The following TGS1 variants were observed in gnomAD, a reference collection of about 807,000 sequenced individuals.
TGS1 encodes the protein trimethylguanosine synthase.
A neutral mutation model predicts 92.2 loss-of-function variants in TGS1; 69 were observed. The observed-to-expected ratio is 0.75, with a 90% CI of 0.62 to 0.91. TGS1 has a LOEUF of 0.91. TGS1 is among the 40% of genes least tolerant of loss of function. The probability of loss-of-function intolerance (pLI) is 0.00; values close to 1 mark genes in which losing one functional copy is unlikely to be tolerated. For missense variants in TGS1, 1,062 were observed against 1,001.2 expected (o/e 1.06, Z -0.82); for synonymous variants, 345 against 338.1 (o/e 1.02, Z -0.22).
At chr8:55,808,432 AGCAAAGAAATCT>A (rs1803241729) in intron 10 of TGS1, among the ~76,000 whole-genome samples, 1 of 152,170 alleles carries the variant, frequency 6.6e-6, no homozygotes, top group Non-Finnish European at 1.5e-5. Context: ...CTGATAAAGT[AGCAAAGAAATCT>A]GAAAATTTTC....
At position 55,811,080 on chromosome 8, in the gene TGS1, A is replaced by C. The variant is rs980412457; in HGVS notation, c.2343A>C (p.Thr781=). ...CTGCAGAGACCTTTGACATTAGAAC[A>C]ATGATGTCTCCTGATGGATATCCTT... ...YATAETFDIR[T]MMSPDGFEIF... is the part of the protein sequence containing the mutation. Residue 781 remains threonine (T), a synonymous_variant, in exon 11 of 13, where the codon ACA becomes ACC. Transcript: ENST00000260129. The C allele has an allele frequency of 1.3e-6, 2 of 1,596,634 alleles. No homozygotes were observed.
chr8:55,794,891 T>C (rs1319284877), intron 6 of TGS1, among the ~76,000 whole-genome samples: 1 of 152,214 alleles, frequency 6.6e-6, no homozygotes. Context: ...GAAATTTAAG[T>C]AGATACCTAC....
At chr8:55,786,038 C>T (rs1811699744) in intron 3 of TGS1, 147 bp downstream of exon 3, 1 of 776,218 alleles carries the variant, frequency 1.3e-6, no homozygotes, top group Non-Finnish European at 2.0e-6. Flanking sequence ...TTAACCAGAA[C>T]TGAAAGTTGT....
intron 1 of TGS1, among the ~76,000 whole-genome samples, chr8:55,775,965 T>C (rs1585749461): frequency 6.6e-6 from 1 of 152,140 alleles, no homozygotes; most frequent in South Asian, 2.1e-4. Context: ...AAATGAGGAC[T>C]AAAAGTATCC....
At chr8:55,797,834 G>A (rs1163570770) in intron 7 of TGS1, among the ~76,000 whole-genome samples, 2 of 152,140 alleles carry the variant, frequency 1.3e-5, no homozygotes, top group African/African-American at 2.4e-5. Context: ...TTTAAGGCTA[G>A]TCAGATGACT....
chr8:55,793,448 T>C (rs1031398926), intron 6 of TGS1, among the ~76,000 whole-genome samples: 4 of 152,116 alleles, frequency 2.6e-5, no homozygotes, highest in Non-Finnish European at 4.4e-5. Context: ...TCCATGATAA[T>C]GTCACTGCAC....
intron 4 of TGS1, among the ~76,000 whole-genome samples, chr8:55,788,350 T>A (rs1348876406): frequency 1.3e-5 from 2 of 152,208 alleles, no homozygotes; most frequent in Non-Finnish European, 2.9e-5. Flanking sequence ...TCTAAAGAGC[T>A]CTGTCAACTT....
Position 55,799,106 on chromosome 8 carries a change from G to C in TGS1, c.1735G>C (p.Ala579Pro), listed in dbSNP as rs147767089. Residue 579 changes from alanine to proline, a missense_variant, in exon 8 of 13, where the codon GCT (alanine) becomes CCT (proline). Ala to Pro is a conservative substitution (Grantham distance 27). Transcript: ENST00000260129. ...EPEKCQSVSS[A>P]GELETENYER... ...TGAAAAGTGTCAGAGCGTATCTTCAGCTGGTGAACTTGAAACAGAAAACTA... is the reference window on the plus strand; with the variant it reads ...TGAAAAGTGTCAGAGCGTATCTTCACCTGGTGAACTTGAAACAGAAAACTA... The C allele has an allele frequency of 3.6e-5, 58 of 1,614,040 alleles. No homozygotes were observed. The highest frequency in any genetic ancestry group is 4.5e-5 in the Non-Finnish European group (53 of 1,180,028).
intron 1 of TGS1, among the ~76,000 whole-genome samples, chr8:55,774,395 A>C (rs1811319096): frequency 6.6e-6 from 1 of 152,186 alleles, no homozygotes; most frequent in Non-Finnish European, 1.5e-5. Context: ...ATTTTGTTAG[A>C]GTTAAATCCT....
chr8:55,774,744 T>C (rs1347384267), intron 1 of TGS1, among the ~76,000 whole-genome samples: 1 of 152,234 alleles, frequency 6.6e-6, no homozygotes, highest in Non-Finnish European at 1.5e-5. Context: ...ACTTGGTTGA[T>C]TATAGTTATA....
chr8:55,817,385 T>A (rs1388244436), intron 12 of TGS1, among the ~76,000 whole-genome samples: 3 of 152,234 alleles, frequency 2.0e-5, no homozygotes, highest in African/African-American at 7.2e-5. Context: ...GAGTTGTAAG[T>A]ATTTGAATAA....
chr8:55,773,658 C>T lies in TGS1; in HGVS notation c.40C>T (p.Leu14Phe), dbSNP rs749831575. 2.5e-6 allele frequency: 4 copies of T among 1,611,284 alleles called. No homozygotes were observed. Among genetic ancestry groups the T allele is most frequent in the Admixed American group, 3.4e-5 (2 of 59,522 alleles). The change falls in exon 1 of 13, where the codon CTC (leucine) becomes TTC (phenylalanine). Residue 14 changes from leucine to phenylalanine, a missense_variant. Transcript: ENST00000260129. The stretch of plus-strand genomic sequence containing the variant: ...GTGGAGCCGCGTGGCGGAAATGTTT[C>T]TCTTCATTGAGGAGCGGGAGGATTG... ...EKWSRVAEMF[L>F]FIEEREDCKI...
At chr8:55,797,455 A>G (rs886645776) in intron 7 of TGS1, among the ~76,000 whole-genome samples, 16 of 152,182 alleles carry the variant, frequency 1.1e-4, no homozygotes, top group African/African-American at 3.9e-4. Context: ...TAGGATCCTA[A>G]TAGTCCAAAT....
intron 6 of TGS1, among the ~76,000 whole-genome samples, 197 bp from the exon 7 acceptor site, chr8:55,795,781 T>C (rs974747526): frequency 2.0e-5 from 3 of 152,236 alleles, no homozygotes; most frequent in African/African-American, 7.2e-5. Flanking sequence ...GTGTTACACA[T>C]TTGCTTTAGA....
chr8:55,798,850 A>C, intron 7 of TGS1, 64 bp from the exon 8 acceptor site: 1 of 1,303,902 alleles, frequency 7.7e-7, no homozygotes, highest in Non-Finnish European at 1.1e-6. Flanking sequence ...AAATTGTAAT[A>C]GGTAGGAAGA....
intron 1 of TGS1, among the ~76,000 whole-genome samples, chr8:55,777,054 C>G (rs1811421367): frequency 6.6e-6 from 1 of 151,918 alleles, no homozygotes; most frequent in Non-Finnish European, 1.5e-5. Context: ...GTCACCCAGG[C>G]TGGAGTGCAA....
Position 55,825,048 on chromosome 8 carries a change from A to G in TGS1, c.*345A>G. ...GCAATCCTTCTGTCTCAGTCTCCTC[A>G]GTAGCTGGGGCTTTAGGTGGGCACT... is the stretch of plus-strand genomic sequence containing the variant. On this transcript the variant is annotated 3_prime_UTR_variant, in exon 13 of 13. Coordinates refer to ENST00000260129, the MANE Select transcript of TGS1 (RefSeq NM_024831.8). 1 of 182,026 alleles carries G rather than the reference A, an allele frequency of 5.5e-6. No homozygotes were observed. The highest frequency in any genetic ancestry group is 2.4e-5 in the African/African-American group (1 of 41,866). The allele number at this position is 182,026 out of a possible 1,614,324, so 11.3% of individuals were successfully genotyped here.
intron 4 of TGS1, 72 bp from the exon 5 acceptor site, chr8:55,790,110 T>C (rs1489543164): frequency 4.6e-6 from 5 of 1,080,176 alleles, no homozygotes; most frequent in Non-Finnish European, 7.1e-6. Context: ...AATATTTTCA[T>C]TGGCTTTGCA....
Position 55,790,299 on chromosome 8 carries a change from G to A in TGS1, c.1280G>A (p.Ser427Asn). The A allele has an allele frequency of 6.2e-7, 1 of 1,607,992 alleles. No homozygotes were observed. Among genetic ancestry groups the A allele is most frequent in the South Asian group, 1.1e-5 (1 of 90,956 alleles). The change falls in exon 5 of 13, where the codon AGC (serine) becomes AAC (asparagine). Residue 427 changes from serine to asparagine, a missense_variant and splice_region_variant. Physicochemically the swap from Ser to Asn is conservative, Grantham distance 46. Transcript: ENST00000260129. Reference sequence around the variant, plus strand: ...CATAAGCCAAGCAAACTGAAGAGGAGGTAAGTTACATGAGACCCCTCTCAC... The same window carrying A: ...CATAAGCCAAGCAAACTGAAGAGGAAGTAAGTTACATGAGACCCCTCTCAC... ...PEHKPSKLKR[S>N]HELDIDENPA...
Sources: gnomAD v4.1 joint callset for allele counts (sites outside exome capture counted in the v4.1 genomes callset) on GRCh38, gnomAD v4.1.1 for gene constraint, MANE v1.5 for transcripts, NCBI Gene and HGNC (gene_info 2026-07-23, HGNC 2026-07-21) for gene names.